COL8A1: variants seen among roughly 807,000 people sequenced by gnomAD.
COL8A1 encodes the protein collagen type VIII alpha 1 chain, also known as collagen alpha-1(VIII) chain.
A neutral mutation model predicts 42.7 loss-of-function variants in COL8A1; 21 were observed. The ratio of observed to expected loss-of-function variants is 0.49; its 90% CI spans 0.35 to 0.71. COL8A1 has a LOEUF of 0.71. Among genes scored for constraint, COL8A1 ranks in the 30% least tolerant of loss-of-function variants. COL8A1 has a pLI of 0.01. For synonymous variants in COL8A1, 367 were observed against 369.1 expected, an observed-to-expected ratio of 0.99 and a Z score of 0.06; for missense variants, 788 against 962.4, an observed-to-expected ratio of 0.82 and a Z score of 2.40.
intron 1 of COL8A1, among the ~76,000 whole-genome samples, chr3:99,683,015 G>T (rs1382413901): frequency 6.6e-6 from 1 of 152,186 alleles, no homozygotes; most frequent in African/African-American, 2.4e-5. Flanking sequence ...CTTTTTGAAA[G>T]TCCAGAGAGA....
chr3:99,771,067 G>A (rs1360280659), intron 2 of COL8A1, among the ~76,000 whole-genome samples: 1 of 152,140 alleles, frequency 6.6e-6, no homozygotes, highest in East Asian at 1.9e-4. Flanking sequence ...CAAAGGCCCT[G>A]GCAGAACCAA....
At chr3:99,773,201 G>C (rs1941613273) in intron 2 of COL8A1, among the ~76,000 whole-genome samples, 1 of 152,174 alleles carries the variant, frequency 6.6e-6, no homozygotes, top group Admixed American at 6.5e-5. Context: ...TATTAGTAGA[G>C]CGTAATAGTG....
intron 1 of COL8A1, among the ~76,000 whole-genome samples, chr3:99,701,452 G>A (rs1226426257): frequency 1.3e-5 from 2 of 152,144 alleles, no homozygotes; most frequent in East Asian, 3.9e-4. Context: ...ATGTCCTTTG[G>A]CAGTGGAGTA....
At chr3:99,734,807 G>T (rs973755306) in intron 1 of COL8A1, among the ~76,000 whole-genome samples, 1 of 151,998 alleles carries the variant, frequency 6.6e-6, no homozygotes, top group African/African-American at 2.4e-5. Flanking sequence ...CCATTTGTTT[G>T]TATCCTCTTT....
chr3:99,733,127 T>C (rs1427011568), intron 1 of COL8A1, among the ~76,000 whole-genome samples: 3 of 150,904 alleles, frequency 2.0e-5, no homozygotes, highest in Non-Finnish European at 3.0e-5. Context: ...TCTTTTTTTT[T>C]TTTTTTTAAA....
chr3:99,732,948 A>C (rs1040441642), intron 1 of COL8A1, among the ~76,000 whole-genome samples: 1 of 152,082 alleles, frequency 6.6e-6, no homozygotes, highest in Non-Finnish European at 1.5e-5. Flanking sequence ...TACAGGCCGC[A>C]TGCAAGTCAA....
chr3:99,699,225 A>T (rs1576436894), intron 1 of COL8A1, among the ~76,000 whole-genome samples: 1 of 151,900 alleles, frequency 6.6e-6, no homozygotes, highest in African/African-American at 2.4e-5. Context: ...AGTTCTAGAG[A>T]CTCTACTCCA....
At position 99,791,745 on chromosome 3, in the gene COL8A1, C is replaced by T. The variant is rs78065446; in HGVS notation, c.328+735C>T. On this transcript the variant is annotated intron_variant, in intron 3 of 3. Transcript: ENST00000652472. Reference sequence around the variant, plus strand: ...TACCTTTGAGGAAGTGGAGCCAGTCCCACTAGTCCCTACAATGGCAGGAAG... The same window carrying T: ...TACCTTTGAGGAAGTGGAGCCAGTCTCACTAGTCCCTACAATGGCAGGAAG... Among the ~76,000 whole-genome samples the T allele has an allele frequency of 3.2e-3, 490 of 152,226 alleles. 13 individuals carry two copies. The East Asian group carries it at 0.061, about 19-fold the overall frequency.
intron 2 of COL8A1, among the ~76,000 whole-genome samples, chr3:99,765,268 T>C (rs1302989196): frequency 4.6e-5 from 7 of 152,114 alleles, no homozygotes; most frequent in Non-Finnish European, 1.0e-4. Flanking sequence ...AGCAGAGACT[T>C]CAATCTTAGC....
intron 2 of COL8A1, among the ~76,000 whole-genome samples, chr3:99,749,358 T>A (rs1209158070): frequency 2.6e-5 from 4 of 151,304 alleles, no homozygotes; most frequent in African/African-American, 9.8e-5. Flanking sequence ...TTCAAAGCAA[T>A]TTAAAATCAT....
chr3:99,724,073 A>G (rs1191436024), intron 1 of COL8A1, among the ~76,000 whole-genome samples: 1 of 152,170 alleles, frequency 6.6e-6, no homozygotes, highest in Non-Finnish European at 1.5e-5. Context: ...TTTGCACGAC[A>G]CTGTGTGTAC....
At chr3:99,732,293 T>C (rs1480365696) in intron 1 of COL8A1, among the ~76,000 whole-genome samples, 1 of 152,092 alleles carries the variant, frequency 6.6e-6, no homozygotes, top group East Asian at 1.9e-4. Flanking sequence ...AATATCCAGG[T>C]GTATTAGTCC....
intron 1 of COL8A1, among the ~76,000 whole-genome samples, chr3:99,733,633 G>A (rs1186758063): frequency 1.4e-4 from 22 of 152,098 alleles, no homozygotes; most frequent in Admixed American, 1.4e-3. Context: ...CTTTATAGCA[G>A]CATGATTTAT....
At position 99,702,044 on chromosome 3, in the gene COL8A1, G is replaced by A. The variant is rs186616283; in HGVS notation, c.-128-42853G>A. On this transcript the variant is annotated intron_variant, in intron 1 of 3. Transcript: ENST00000652472. ...ATGAACCTAAGAAGTTGTCTCCTTC[G>A]TAATGTTATTTAAAAGGCAATAGAA... Among the ~76,000 whole-genome samples, 442 of 152,168 alleles carry A rather than the reference G, an allele frequency of 2.9e-3. 5 individuals are homozygous for A. The highest frequency in any genetic ancestry group is 9.9e-3 in the African/African-American group (413 of 41,518).
intron 2 of COL8A1, among the ~76,000 whole-genome samples, chr3:99,754,219 C>T (rs368390131): frequency 1.6e-4 from 24 of 152,096 alleles, no homozygotes; most frequent in African/African-American, 5.8e-4. Context: ...ATCATTTTTC[C>T]ACCTGCTATA....
chr3:99,716,903 G>A (rs1415401230), intron 1 of COL8A1, among the ~76,000 whole-genome samples: 1 of 151,854 alleles, frequency 6.6e-6, no homozygotes, highest in Non-Finnish European at 1.5e-5. Context: ...ACATAATAGG[G>A]AACTCAAAAT....
At position 99,796,962 on chromosome 3, in the gene COL8A1, T is replaced by C. The variant is rs1379730810; in HGVS notation, c.*826T>C. On this transcript the variant is annotated 3_prime_UTR_variant, in exon 4 of 4. Transcript: ENST00000652472. Reference sequence around the variant, plus strand: ...TATTTGTTTTGATTTTCTTTTTCTGTGACTTATTTTCCTATTTTCTTTCCT... The same window carrying C: ...TATTTGTTTTGATTTTCTTTTTCTGCGACTTATTTTCCTATTTTCTTTCCT... The C allele has an allele frequency of 6.6e-6, 1 of 152,206 alleles. No homozygotes were observed. The highest frequency in any genetic ancestry group is 1.5e-5 in the Non-Finnish European group (1 of 68,026). 9.4% of individuals were successfully genotyped at this position (152,206 alleles called of 1,614,324 possible).
intron 1 of COL8A1, among the ~76,000 whole-genome samples, chr3:99,743,004 G>C (rs1940936878): frequency 6.6e-6 from 1 of 152,134 alleles, no homozygotes; most frequent in South Asian, 2.1e-4. Flanking sequence ...CCAACACTAA[G>C]CATTATACTT....
At chr3:99,642,329 G>C (rs576222360) in intron 1 of COL8A1, among the ~76,000 whole-genome samples, 1 of 152,278 alleles carries the variant, frequency 6.6e-6, no homozygotes, top group East Asian at 1.9e-4. Context: ...GTCACACAAG[G>C]TTAGAATGTC....
Sources: allele counts gnomAD v4.1 joint callset (sites outside exome capture counted in the v4.1 genomes callset), GRCh38; gene constraint gnomAD v4.1.1; transcripts MANE v1.5; gene names NCBI Gene and HGNC (gene_info 2026-07-23, HGNC 2026-07-21).